Variants in ZDHHC17 observed in about 807,000 individuals in gnomAD.
ZDHHC17 encodes zDHHC palmitoyltransferase 17.
In ZDHHC17, 40 loss-of-function variants were observed where a neutral mutation model predicts 90.3. That is an observed-to-expected ratio of 0.44 (90% CI 0.34 to 0.58). The LOEUF (loss-of-function observed/expected upper bound fraction) is 0.58. Ranked by LOEUF, ZDHHC17 falls within the 20% of genes least tolerant of loss-of-function variation. The pLI is 0.01. For synonymous variants in ZDHHC17, 235 were observed against 252.4 expected (o/e 0.93, Z 0.65); for missense variants, 614 against 780.8 (o/e 0.79, Z 2.55).
chr12:76,776,396 C>T (rs1952560787), intron 1 of ZDHHC17, among the ~76,000 whole-genome samples: 1 of 152,136 alleles, frequency 6.6e-6, no homozygotes, highest in Non-Finnish European at 1.5e-5. Flanking sequence ...AAACTTCTCT[C>T]ACTCCTCACA....
rs774680204 is a variant in ZDHHC17 at position 76,764,348 on chromosome 12, T to C, written c.93+19T>C. The C allele has an allele frequency of 2.6e-6, 4 of 1,564,778 alleles. No individual in the cohort carries two copies. In the South Asian group the frequency reaches 3.5e-5, roughly 14 times the overall value. ...CCCAGAGGTGAGGAACCGTGCTGAG[T>C]GGATTCCTTGCCCTGCGGCCCTCCA... On this transcript the variant is annotated intron_variant, in intron 1 of 16. Transcript: ENST00000426126.
intron 2 of ZDHHC17, among the ~76,000 whole-genome samples, chr12:76,801,675 A>G (rs564617488): frequency 1.3e-5 from 2 of 152,268 alleles, no homozygotes; most frequent in East Asian, 3.9e-4. Context: ...AAAAAATCCT[A>G]AAGTTATAAC....
At chr12:76,803,717 A>G (rs1952920908) in intron 2 of ZDHHC17, among the ~76,000 whole-genome samples, 1 of 152,218 alleles carries the variant, frequency 6.6e-6, no homozygotes, top group Non-Finnish European at 1.5e-5. Context: ...CCCGTTATAT[A>G]TATGTTGACT....
intron 10 of ZDHHC17, among the ~76,000 whole-genome samples, chr12:76,837,314 A>G (rs1013731964): frequency 6.6e-6 from 1 of 152,064 alleles, no homozygotes; most frequent in African/African-American, 2.4e-5. Context: ...TTCTATTTTT[A>G]GTAGAGACAG....
rs61663401 is a variant in ZDHHC17, at chr12:76,788,688, A to ATATTTTTTTT, written c.94-8745_94-8744insATTTTTTTTT. 9.8e-4 allele frequency among the ~76,000 whole-genome samples: 97 copies of ATATTTTTTTT among 98,660 alleles called. 19 individuals are homozygous for ATATTTTTTTT. The highest frequency in any genetic ancestry group is 1.8e-3 in the East Asian group (5 of 2,744). 64.7% of individuals were successfully genotyped at this position (98,660 alleles called of 152,430 possible). ...AAAATATATTTAAGTTGGAATCGCA[A>ATATTTTTTTT]TTTTTTTTTTTTTTTTTTTTTTTTT... On this transcript the variant is annotated intron_variant, in intron 1 of 16. Transcript: ENST00000426126.
At chr12:76,805,500 A>G in intron 3 of ZDHHC17, 61 bp downstream of exon 3, 1 of 1,298,406 alleles carries the variant, frequency 7.7e-7, no homozygotes, top group South Asian at 1.4e-5. Context: ...TAAAATTAAT[A>G]GAAGTAATTG....
chr12:76,810,975 A>C (rs1281369325), intron 5 of ZDHHC17, among the ~76,000 whole-genome samples: 1 of 152,184 alleles, frequency 6.6e-6, no homozygotes, highest in Non-Finnish European at 1.5e-5. Context: ...TAGTGTCAGA[A>C]CTTCTACTTT....
At chr12:76,830,464 A>G (rs1173805190) in intron 10 of ZDHHC17, among the ~76,000 whole-genome samples, 2 of 127,298 alleles carry the variant, frequency 1.6e-5, no homozygotes, top group Non-Finnish European at 3.4e-5. Context: ...TTAAGTATCT[A>G]TTGAAATTCT....
At chr12:76,821,383 G>T (rs1592487548) in intron 7 of ZDHHC17, among the ~76,000 whole-genome samples, 1 of 151,960 alleles carries the variant, frequency 6.6e-6, no homozygotes, top group Admixed American at 6.6e-5. Flanking sequence ...GCAGTGGTGT[G>T]TTTTATTTTG....
chr12:76,764,837 G>A (rs1166561771), intron 1 of ZDHHC17: 1 of 456,342 alleles, frequency 2.2e-6, no homozygotes, highest in Non-Finnish European at 4.4e-6. Flanking sequence ...AGCACCTCGG[G>A]CACCTTGTGT....
In ZDHHC17 at chr12:76,816,029, T is replaced by C; in HGVS notation, c.771+10T>C. 6.6e-7 allele frequency: 1 copy of C among 1,510,934 alleles called. No individual in the cohort carries two copies. Among genetic ancestry groups the C allele is most frequent in the Non-Finnish European group, 8.8e-7 (1 of 1,131,262 alleles). The allele number at this position is 1,510,934 out of a possible 1,614,324, so 93.6% of individuals were successfully genotyped here. On this transcript the variant is annotated intron_variant, in intron 7 of 16. Coordinates refer to ENST00000426126, the MANE Select transcript of ZDHHC17 (RefSeq NM_015336.4). ...TGCCCAGAATATCAAGGTAAAAATA[T>C]TCTATATTGATAATACTGTATGAAA...
At chr12:76,824,922 A>G (rs1209312035) in intron 8 of ZDHHC17, among the ~76,000 whole-genome samples, 1 of 152,184 alleles carries the variant, frequency 6.6e-6, no homozygotes, top group Non-Finnish European at 1.5e-5. Flanking sequence ...AATATTAAGT[A>G]AAAGGATTTT....
chr12:76,810,658 A>G (rs1046260235), intron 5 of ZDHHC17, among the ~76,000 whole-genome samples: 2 of 152,152 alleles, frequency 1.3e-5, no homozygotes, highest in African/African-American at 4.8e-5. Flanking sequence ...GTTGTGCATT[A>G]TAGTTTAGGA....
Position 76,848,352 on chromosome 12 carries a change from A to G in ZDHHC17, c.1627A>G (p.Met543Val), listed in dbSNP as rs374489036. 20 of 1,613,800 alleles carry G rather than the reference A, an allele frequency of 1.2e-5. No individual in the cohort carries two copies. Among genetic ancestry groups the G allele is most frequent in the Non-Finnish European group, 1.6e-5 (19 of 1,179,854 alleles). The change falls in exon 15 of 17, where the codon ATG becomes GTG. Residue 543 changes from methionine to valine, a missense_variant. By Grantham distance (21) the Met-to-Val change is conservative. Around this residue, in one of 5 missense-constraint regions of ZDHHC17, gnomAD observed 111 missense variants for 179.8 expected, o/e 0.62. Coordinates refer to ENST00000426126, the MANE Select transcript of ZDHHC17 (RefSeq NM_015336.4). ...GTTCCTGAACAGTGTTTTCCACTTC[A>G]TGTGGGTGGCTGTATTACTCATGTG... ...WMFLNSVFHF[M>V]WVAVLLMCQM...
At chr12:76,826,518 T>G (rs1343691084) in intron 8 of ZDHHC17, among the ~76,000 whole-genome samples, 2 of 152,212 alleles carry the variant, frequency 1.3e-5, no homozygotes, top group African/African-American at 4.8e-5. Flanking sequence ...CCTTATGTGT[T>G]ATAATTCTTA....
At chr12:76,831,542 G>A (rs577943764) in intron 10 of ZDHHC17, among the ~76,000 whole-genome samples, 1 of 152,198 alleles carries the variant, frequency 6.6e-6, no homozygotes, top group East Asian at 1.9e-4. Flanking sequence ...AGTAGAGACG[G>A]GGTTTCACTA....
intron 4 of ZDHHC17, 47 bp downstream of exon 4, chr12:76,809,167 A>G: frequency 7.4e-7 from 1 of 1,342,862 alleles, no homozygotes; most frequent in Non-Finnish European, 1.0e-6. Context: ...CTTTATTAGT[A>G]TATAAATAAA....
chr12:76,826,251 A>G (rs932858871), intron 8 of ZDHHC17, among the ~76,000 whole-genome samples: 18 of 152,174 alleles, frequency 1.2e-4, no homozygotes, highest in African/African-American at 2.9e-4. Flanking sequence ...TAAAATTGTG[A>G]TAGAAGTTAC....
Position 76,851,771 on chromosome 12 carries a change from G to A in ZDHHC17, c.*786G>A, listed in dbSNP as rs1197817666. ...ATACTAGCAGATACTATCCAGTGAA[G>A]CATAAATTAGAATTTAATTTGATGT... On this transcript the variant is annotated 3_prime_UTR_variant, in exon 17 of 17. Coordinates refer to ENST00000426126, the MANE Select transcript of ZDHHC17 (RefSeq NM_015336.4). The A allele has an allele frequency of 6.6e-6, 1 of 152,622 alleles. No individual in the cohort carries two copies. Among genetic ancestry groups the A allele is most frequent in the East Asian group, 1.9e-4 (1 of 5,200 alleles). 9.5% of individuals were successfully genotyped at this position (152,622 alleles called of 1,614,324 possible).
Sources: gnomAD v4.1 joint callset for allele counts (sites outside exome capture counted in the v4.1 genomes callset) on GRCh38, gnomAD v4.1.1 for gene constraint, gnomAD v4.1.1 regional missense constraint, MANE v1.5 for transcripts, NCBI Gene and HGNC (gene_info 2026-07-23, HGNC 2026-07-21) for gene names.